Variants in GAS7 observed in about 807,000 individuals in gnomAD.
GAS7 encodes the protein growth arrest-specific protein 7.
A neutral mutation model predicts 71.1 loss-of-function variants in GAS7; 28 were observed. That is an observed-to-expected ratio of 0.39 (90% CI 0.29 to 0.54). GAS7 has a LOEUF of 0.54. GAS7 is among the 20% of genes least tolerant of loss of function. The pLI, the probability that GAS7 is intolerant of heterozygous loss-of-function variation, is 0.62. For missense variants in GAS7, 436 were observed against 627.8 expected (o/e 0.69, Z 3.27); for synonymous variants, 258 against 245.8 (o/e 1.05, Z -0.46).
chr17:10,039,544 A>G, intron 1 of GAS7, among the ~76,000 whole-genome samples: 1 of 152,146 alleles, frequency 6.6e-6, no homozygotes, highest in Non-Finnish European at 1.5e-5. Flanking sequence ...TTGGCTAGGC[A>G]TGGTGGCGGG....
intron 1 of GAS7, among the ~76,000 whole-genome samples, chr17:10,126,939 A>G (rs1184014172): frequency 6.6e-6 from 1 of 152,158 alleles, no homozygotes; most frequent in Non-Finnish European, 1.5e-5. Context: ...GTATCCTTGA[A>G]GGGAGATTGC....
chr17:9,943,001 G>T, intron 7 of GAS7, 120 bp downstream of exon 7: 1 of 625,930 alleles, frequency 1.6e-6, no homozygotes, highest in African/African-American at 1.8e-5. Flanking sequence ...GCCGCCTGGC[G>T]CTAACCAGCC....
chr17:10,182,631 T>C (rs1448650418), intron 1 of GAS7, among the ~76,000 whole-genome samples: 1 of 152,144 alleles, frequency 6.6e-6, no homozygotes, highest in Non-Finnish European at 1.5e-5. Context: ...CCACTCCTGT[T>C]AGGGCACACG....
At position 10,005,144 on chromosome 17, in the gene GAS7, C is replaced by T. The variant is rs760491505; in HGVS notation, c.304+14633G>A. ...ACGCATACCAGCATGTGTGCGCGCA[C>T]GCATGCATGCATGTGTGTGCGCACG... is the stretch of plus-strand genomic sequence containing the variant. On this transcript the variant is annotated intron_variant, in intron 2 of 13. Transcript: ENST00000432992. Among the ~76,000 whole-genome samples the T allele has an allele frequency of 0.012, 454 of 38,172 alleles. 9 individuals are homozygous for T. The East Asian group carries it at 0.25, about 21-fold the overall frequency. 25.0% of individuals were successfully genotyped at this position (38,172 alleles called of 152,430 possible). A position where few individuals can be genotyped will look rare whatever the true frequency, so the allele number is the denominator to read the frequency against.
chr17:9,918,044 T>C lies in GAS7; in HGVS notation c.1274A>G (p.Gln425Arg). ...TGTTTCATGCCGCAGCTGCGTGTAC[T>C]GGCACAGGTGCTGCCGGATCATCTC... Reference protein sequence around the residue: ...RVEMIRQHLCQYTQLRHETDM... With the variant: ...RVEMIRQHLCRYTQLRHETDM... Residue 425 changes from glutamine to arginine, a missense_variant, in exon 13 of 14, where the codon CAG becomes CGG. Physicochemically the swap from Gln to Arg is conservative, Grantham distance 43 (BLOSUM62 1). Coordinates refer to ENST00000432992, the MANE Select transcript of GAS7 (RefSeq NM_201433.2). The C allele has an allele frequency of 6.2e-7, 1 of 1,613,984 alleles. No homozygotes were observed. Among genetic ancestry groups the C allele is most frequent in the Middle Eastern group, 1.7e-4 (1 of 6,058 alleles).
Position 9,974,638 on chromosome 17 carries a change from C to G in GAS7, c.386-4876G>C, listed in dbSNP as rs982108496. On this transcript the variant is annotated intron_variant, in intron 3 of 13. Transcript: ENST00000432992. The surrounding 1 kb of genome is among the most constrained non-coding windows in gnomAD (Gnocchi z 4.0). ...TAAATAATACACACAGGCACCCACA[C>G]ACTTCATTTCCCTTATAGGCAGTTA... Among the ~76,000 whole-genome samples, 30 of 152,256 alleles carry G rather than the reference C, an allele frequency of 2.0e-4. No individual in the cohort carries two copies. Among genetic ancestry groups the G allele is most frequent in the African/African-American group, 5.5e-4 (23 of 41,540 alleles).
chr17:10,146,329 T>C (rs1349808783), intron 1 of GAS7, among the ~76,000 whole-genome samples: 1 of 152,202 alleles, frequency 6.6e-6, no homozygotes, highest in Non-Finnish European at 1.5e-5. Context: ...CTAGAAAAGA[T>C]GTCTCACTCA....
At chr17:10,107,868 A>G (rs1339525462) in intron 1 of GAS7, among the ~76,000 whole-genome samples, 1 of 146,906 alleles carries the variant, frequency 6.8e-6, no homozygotes, top group Non-Finnish European at 1.5e-5. Flanking sequence ...CACACAGTCC[A>G]GTAGGGGACT....
chr17:9,975,997 C>T (rs967735691), intron 3 of GAS7, among the ~76,000 whole-genome samples: 4 of 152,208 alleles, frequency 2.6e-5, no homozygotes, highest in Non-Finnish European at 5.9e-5. Flanking sequence ...TGGAAGGCCT[C>T]GCAGGTTCCT....
At chr17:10,002,688 G>A (rs1396195620) in intron 2 of GAS7, among the ~76,000 whole-genome samples, 1 of 152,120 alleles carries the variant, frequency 6.6e-6, no homozygotes, top group African/African-American at 2.4e-5. Context: ...GCGATAGTTT[G>A]CTGAGAATGA....
chr17:10,072,144 T>C (rs985065138), intron 1 of GAS7, among the ~76,000 whole-genome samples: 26 of 151,978 alleles, frequency 1.7e-4, no homozygotes, highest in African/African-American at 5.3e-4. Context: ...CCCTGTCCCA[T>C]TAAACCAGGA....
At chr17:9,975,796 C>G (rs1488467134) in intron 3 of GAS7, among the ~76,000 whole-genome samples, 1 of 152,168 alleles carries the variant, frequency 6.6e-6, no homozygotes, top group Non-Finnish European at 1.5e-5. Context: ...AACAAGGCAA[C>G]AGCATGCAGC....
chr17:9,982,017 CCAGA>C, intron 2 of GAS7, 133 bp from the exon 3 acceptor site: 1 of 621,826 alleles, frequency 1.6e-6, no homozygotes, highest in Non-Finnish European at 2.9e-6. Flanking sequence ...CCAACCCTGG[CCAGA>C]CAGGACCCTG....
chr17:10,134,278 G>T (rs942616316), intron 1 of GAS7, among the ~76,000 whole-genome samples: 1 of 151,912 alleles, frequency 6.6e-6, no homozygotes. Flanking sequence ...TGATCCGCCC[G>T]CCTCGGCCTC....
chr17:10,021,619 G>A (rs570739884), intron 1 of GAS7, among the ~76,000 whole-genome samples: 1 of 152,314 alleles, frequency 6.6e-6, no homozygotes, highest in South Asian at 2.1e-4. Context: ...TGTCTTCTAA[G>A]ACAGCAGGAG....
At chr17:9,999,850 C>G (rs60950744) in intron 2 of GAS7, among the ~76,000 whole-genome samples, 12,903 of 151,430 alleles carry the variant, frequency 0.085, 1,141 homozygotes, top group African/African-American at 0.23. Flanking sequence ...TAGGCAGCAT[C>G]TTATAGTTGA....
At chr17:9,992,322 T>C (rs1216579584) in intron 2 of GAS7, among the ~76,000 whole-genome samples, 1 of 151,932 alleles carries the variant, frequency 6.6e-6, no homozygotes, top group Admixed American at 6.6e-5. Flanking sequence ...CCTACTTGAG[T>C]TCCCAGGGGT....
chr17:10,175,896 G>T (rs925036196), intron 1 of GAS7, among the ~76,000 whole-genome samples: 2 of 152,144 alleles, frequency 1.3e-5, no homozygotes, highest in African/African-American at 2.4e-5. Flanking sequence ...TGGGGAGTGG[G>T]TCCAAACTCA....
chr17:10,053,803 C>T (rs2073096776), intron 1 of GAS7, among the ~76,000 whole-genome samples: 1 of 152,184 alleles, frequency 6.6e-6, no homozygotes, highest in African/African-American at 2.4e-5. Flanking sequence ...CTCTCTCCCC[C>T]ATGGGTCTTA....
Sources: allele counts gnomAD v4.1 joint callset (sites outside exome capture counted in the v4.1 genomes callset), GRCh38; gene constraint gnomAD v4.1.1; non-coding constraint Gnocchi (gnomAD v3.1); transcripts MANE v1.5; gene names NCBI Gene and HGNC (gene_info 2026-07-23, HGNC 2026-07-21).